MYOM3: variants seen among roughly 807,000 people sequenced by gnomAD.
MYOM3 encodes myomesin 3, also known as myomesin-3.
MYOM3 carries 155 observed loss-of-function variants against 191.7 expected under a neutral mutation model. The ratio of observed to expected loss-of-function variants is 0.81; its 90% CI spans 0.71 to 0.92. MYOM3 has a LOEUF of 0.92. Ranked by LOEUF, MYOM3 falls within the 40% of genes least tolerant of loss-of-function variation. MYOM3 has a pLI of 0.00. For missense variants in MYOM3, 1,889 were observed against 1,890.6 expected (o/e 1.00, Z 0.02); for synonymous variants, 757 against 762.9 (o/e 0.99, Z 0.13).
chr1:24,067,053 T>C lies in MYOM3; in HGVS notation c.3391A>G (p.Thr1131Ala). 1 of 1,579,244 alleles carries C rather than the reference T, an allele frequency of 6.3e-7. No homozygotes were observed. The highest frequency in any genetic ancestry group is 8.6e-7 in the Non-Finnish European group (1 of 1,160,458). Residue 1131 changes from threonine (T) to alanine (A), a missense_variant, in exon 28 of 37, where the codon ACG (threonine) becomes GCG (alanine). Thr to Ala is a moderately conservative substitution (Grantham distance 58). Transcript: ENST00000374434. ...GTCAGCTGCACTTGGCAGTCCTCCG[T>C]GACCTTCCACTGCAACGGCCGCTCA... ...YFERPLQWKV[T>A]EDCQVQLTCK...
intron 11 of MYOM3, 21 bp from the exon 12 acceptor site, chr1:24,091,017 C>CT (rs1222676909): frequency 4.3e-6 from 7 of 1,611,856 alleles, no homozygotes; most frequent in Non-Finnish European, 5.9e-6. Context: ...CAGGCCCCCC[C>CT]TTTCAGCCCC....
At chr1:24,078,969 C>T (rs1028608373) in intron 20 of MYOM3, among the ~76,000 whole-genome samples, 4 of 152,176 alleles carry the variant, frequency 2.6e-5, no homozygotes, top group African/African-American at 9.7e-5. Context: ...CACTCCAGAA[C>T]AAAACTAGTG....
chr1:24,094,827 T>G, intron 9 of MYOM3, 26 bp downstream of exon 9: 1 of 1,596,774 alleles, frequency 6.3e-7, no homozygotes, highest in Non-Finnish European at 8.5e-7. Flanking sequence ...CTCTGGAGGC[T>G]GGGGGCCAGG....
intron 13 of MYOM3, 90 bp from the exon 14 acceptor site, chr1:24,089,755 C>T (rs1393363820): frequency 1.6e-5 from 23 of 1,410,770 alleles, no homozygotes; most frequent in Non-Finnish European, 2.1e-5. Context: ...GGGAACTACA[C>T]CCCTACCCAT....
chr1:24,087,022 G>A lies in MYOM3; in HGVS notation c.1615-195C>T, dbSNP rs371490741. Among the ~76,000 whole-genome samples the A allele has an allele frequency of 3.9e-5, 6 of 152,088 alleles. No homozygotes were observed. The highest frequency in any genetic ancestry group is 1.9e-4 in the East Asian group (1 of 5,144). On this transcript the variant is annotated intron_variant, in intron 14 of 36. Coordinates refer to ENST00000374434, the MANE Select transcript of MYOM3 (RefSeq NM_152372.4). This position sits in a 1 kb window ranked among gnomAD's most constrained non-coding sequence, Gnocchi z 4.5. The stretch of plus-strand genomic sequence containing the variant: ...ACCCGGATTCCTACCGAGACCTCAC[G>A]TCCAGCCTGTCCACAACGCGGCTCC...
rs774439374 is a variant in MYOM3, at chr1:24,082,032, T to A, written c.2249A>T (p.Asn750Ile). The change falls in exon 18 of 37, where the codon AAT becomes ATT. Residue 750 changes from asparagine (N) to isoleucine (I), a missense_variant. Coordinates refer to ENST00000374434, the MANE Select transcript of MYOM3 (RefSeq NM_152372.4). ...DSEELDWHAV[N>I]QQPIPTRVCK... ...GACCCGGGTGGGGATGGGCTGCTGA[T>A]TGACCGCATGCCAGTCCAGCTCTTC... 3.4e-5 allele frequency: 54 copies of A among 1,611,808 alleles called. No individual in the cohort carries two copies. Among genetic ancestry groups the A allele is most frequent in the Non-Finnish European group, 4.5e-5 (53 of 1,179,802 alleles).
intron 27 of MYOM3, among the ~76,000 whole-genome samples, chr1:24,067,406 C>T (rs2148544170): frequency 1.3e-5 from 1 of 77,462 alleles, no homozygotes; most frequent in African/African-American, 5.8e-5. Flanking sequence ...TTCCTTCCTT[C>T]CTTCCTTCCT....
intron 32 of MYOM3, among the ~76,000 whole-genome samples, chr1:24,062,639 A>G (rs1320748374): frequency 6.6e-6 from 1 of 152,182 alleles, no homozygotes; most frequent in Non-Finnish European, 1.5e-5. Flanking sequence ...CCTGCCTTCA[A>G]GCCCTGGCTC....
intron 20 of MYOM3, among the ~76,000 whole-genome samples, chr1:24,079,750 G>A (rs1197874515): frequency 6.6e-6 from 1 of 152,174 alleles, no homozygotes; most frequent in Non-Finnish European, 1.5e-5. Flanking sequence ...TGGGTCAAGG[G>A]ATATACATGT....
intron 29 of MYOM3, 184 bp downstream of exon 29, chr1:24,065,707 T>A: frequency 1.6e-6 from 1 of 641,226 alleles, no homozygotes; most frequent in Non-Finnish European, 2.8e-6. Flanking sequence ...TTTTTTAGAA[T>A]ATTGCATACA....
intron 35 of MYOM3, among the ~76,000 whole-genome samples, chr1:24,060,163 A>G (rs1202477986): frequency 6.6e-6 from 1 of 152,154 alleles, no homozygotes; most frequent in Non-Finnish European, 1.5e-5. Flanking sequence ...GTGAATGATT[A>G]GATTCATGGT....
chr1:24,092,274 T>A lies in MYOM3; in HGVS notation c.1132A>T (p.Asn378Tyr). 7.2e-7 allele frequency: 1 copy of A among 1,389,110 alleles called. No individual in the cohort carries two copies. The highest frequency in any genetic ancestry group is 1.9e-5 in the South Asian group (1 of 53,818). The allele number at this position is 1,389,110 out of a possible 1,614,324, so 86.0% of individuals were successfully genotyped here. Reference sequence around the variant, plus strand: ...CTGTTCACATCCAGGCATCGGACGTTCAGTGGGGAGCCTGGGGCCCCGGGG... The same window carrying A: ...CTGTTCACATCCAGGCATCGGACGTACAGTGGGGAGCCTGGGGCCCCGGGG... ...ENPGAPGSPL[N>Y]VRCLDVNRDC... is the part of the protein sequence containing the mutation. Residue 378 changes from asparagine to tyrosine, a missense_variant, in exon 11 of 37, where the codon AAC becomes TAC. By Grantham distance (143) the Asn-to-Tyr change is moderately radical. Transcript: ENST00000374434.
chr1:24,070,862 G>A (rs1429740525), intron 25 of MYOM3, among the ~76,000 whole-genome samples: 5 of 152,116 alleles, frequency 3.3e-5, no homozygotes. Context: ...GGGGGGTGTG[G>A]GAATTCTTTG....
chr1:24,088,612 C>T (rs1332783180), intron 14 of MYOM3, among the ~76,000 whole-genome samples: 1 of 152,184 alleles, frequency 6.6e-6, no homozygotes. Context: ...AAAAGGATTA[C>T]CCATGAGTGT....
chr1:24,091,454 T>A (rs1014652732), intron 11 of MYOM3, among the ~76,000 whole-genome samples: 6 of 152,196 alleles, frequency 3.9e-5, no homozygotes, highest in African/African-American at 1.4e-4. Flanking sequence ...TGTACCCTCT[T>A]GGTACCATTG....
intron 29 of MYOM3, 142 bp downstream of exon 29, chr1:24,065,749 G>A: frequency 1.4e-6 from 1 of 719,284 alleles, no homozygotes; most frequent in South Asian, 1.5e-5. Context: ...GAGTTTTTTG[G>A]TGCCTCTTAA....
intron 11 of MYOM3, among the ~76,000 whole-genome samples, chr1:24,091,795 T>TA (rs1643840488): frequency 6.6e-6 from 1 of 152,214 alleles, no homozygotes; most frequent in Non-Finnish European, 1.5e-5. Context: ...CTGGCCTCTC[T>TA]ACCTGTTTGC....
chr1:24,070,332 A>G (rs1469572078), intron 25 of MYOM3, among the ~76,000 whole-genome samples: 1 of 151,932 alleles, frequency 6.6e-6, no homozygotes, highest in African/African-American at 2.4e-5. Flanking sequence ...GTATAGTAAC[A>G]TTGCACACTT....
chr1:24,066,044 C>T (rs1391200481), intron 28 of MYOM3, 43 bp from the exon 29 acceptor site: 2 of 1,320,862 alleles, frequency 1.5e-6, no homozygotes, highest in Admixed American at 3.4e-5. Flanking sequence ...AGGCTTGTTT[C>T]TTTTTGAGTA....
Sources: gnomAD v4.1 joint callset for allele counts (sites outside exome capture counted in the v4.1 genomes callset) on GRCh38, gnomAD v4.1.1 for gene constraint, Gnocchi (gnomAD v3.1) non-coding constraint, MANE v1.5 for transcripts, NCBI Gene and HGNC (gene_info 2026-07-23, HGNC 2026-07-21) for gene names.